Variants in PHF24 observed in about 807,000 individuals in gnomAD.
The protein encoded by PHF24 is Galpha inhibitory interacting protein.
In PHF24, 25 loss-of-function variants were observed where a neutral mutation model predicts 42.6. That is an observed-to-expected ratio of 0.59 (90% CI 0.43 to 0.82). PHF24 has a LOEUF of 0.82. PHF24 is among the 40% of genes least tolerant of loss of function. The pLI is 0.00. For missense variants in PHF24, 470 were observed against 538.1 expected, an observed-to-expected ratio of 0.87 and a Z score of 1.25; for synonymous variants, 185 against 204.8, an observed-to-expected ratio of 0.90 and a Z score of 0.83.
chr9:34,795,560 T>C, the PHF24 span, among the ~76,000 whole-genome samples: 1 of 152,312 alleles, frequency 6.6e-6, no homozygotes, highest in South Asian at 2.1e-4. Flanking sequence ...ATATTATAGA[T>C]TTTTGCCCTA....
chr9:34,770,073 G>A, the PHF24 span, among the ~76,000 whole-genome samples: 1 of 152,056 alleles, frequency 6.6e-6, no homozygotes, highest in South Asian at 2.1e-4. Flanking sequence ...CTACTACATA[G>A]AATAAATATA....
At chr9:34,861,881 T>G in the PHF24 span, among the ~76,000 whole-genome samples, 1 of 152,220 alleles carries the variant, frequency 6.6e-6, no homozygotes, top group Admixed American at 6.5e-5. Flanking sequence ...TCATCAATAC[T>G]AGAACAAATC....
the PHF24 span, among the ~76,000 whole-genome samples, chr9:34,720,213 G>A: frequency 1.3e-5 from 2 of 152,120 alleles, no homozygotes; most frequent in Admixed American, 1.3e-4. Flanking sequence ...GGGAGGCCGA[G>A]GCGGGTGGAT....
At chr9:34,889,377 G>A in the PHF24 span, 81,666 of 398,410 alleles carry the variant, frequency 0.2, 8,655 homozygotes, top group South Asian at 0.29. Flanking sequence ...GGCACTGGGG[G>A]CATCACAGAA....
At chr9:34,798,397 C>G in the PHF24 span, among the ~76,000 whole-genome samples, 5 of 152,130 alleles carry the variant, frequency 3.3e-5, no homozygotes, top group Non-Finnish European at 7.4e-5. Context: ...TCCTTAGTAT[C>G]TATTGTTCCC....
chr9:34,781,610 C>T, the PHF24 span, among the ~76,000 whole-genome samples: 3 of 152,034 alleles, frequency 2.0e-5, no homozygotes, highest in Non-Finnish European at 2.9e-5. Context: ...TTTATGTTAT[C>T]TATCATCACC....
the PHF24 span, among the ~76,000 whole-genome samples, chr9:34,876,216 C>T: frequency 2.6e-5 from 4 of 151,998 alleles, no homozygotes; most frequent in African/African-American, 9.7e-5. Context: ...TTTATCGCAG[C>T]TTTATTCATG....
chr9:34,700,190 G>A, the PHF24 span, among the ~76,000 whole-genome samples: 1 of 152,340 alleles, frequency 6.6e-6, no homozygotes, highest in East Asian at 1.9e-4. Flanking sequence ...ACAGGGTTTT[G>A]TAGGCCACTG....
the PHF24 span, among the ~76,000 whole-genome samples, chr9:34,848,907 G>A: frequency 2.0e-5 from 3 of 152,050 alleles, no homozygotes; most frequent in Non-Finnish European, 4.4e-5. Flanking sequence ...GTAGTTGAGC[G>A]GTTTTGAGTG....
the PHF24 span, among the ~76,000 whole-genome samples, chr9:34,703,837 A>G: frequency 1.3e-5 from 2 of 151,964 alleles, no homozygotes; most frequent in Non-Finnish European, 2.9e-5. Context: ...AAGAGCTGAG[A>G]TTACAGGTGT....
chr9:34,865,757 C>A, the PHF24 span, among the ~76,000 whole-genome samples: 7 of 152,280 alleles, frequency 4.6e-5, 1 homozygote, highest in South Asian at 1.5e-3. Context: ...GAGGTTTCAA[C>A]TGGGGAAGGT....
chr9:34,972,435 T>C (rs1320895049), exon 3 of PHF24: 3 of 1,614,050 alleles, frequency 1.9e-6, no homozygotes, highest in East Asian at 2.2e-5. Context: ...TTTTCCATGA[T>C]GGCTGCCTGC....
At chr9:34,865,887 G>T in the PHF24 span, among the ~76,000 whole-genome samples, 7 of 152,250 alleles carry the variant, frequency 4.6e-5, no homozygotes, top group African/African-American at 2.4e-5. Context: ...TCCTGGCCAT[G>T]TGGGGCCTCT....
rs189832320 is a variant in PHF24, at chr9:34,963,417, G to C, written c.-5+5016G>C. ...TTGCAGCTGGTCACCTTCTGTGTTA[G>C]GCATATGGCTTTTCCTAAGGCTCTC... On this transcript the variant is annotated intron_variant, in intron 1 of 7. Coordinates refer to ENST00000242315, the Ensembl canonical transcript of PHF24. Among the ~76,000 whole-genome samples the C allele has an allele frequency of 2.7e-3, 413 of 152,224 alleles. 1 individual carries two copies. The highest frequency in any genetic ancestry group is 3.4e-3 in the Middle Eastern group (1 of 294).
the PHF24 span, among the ~76,000 whole-genome samples, chr9:34,694,165 T>TG: frequency 7.6e-6 from 1 of 132,352 alleles, no homozygotes; most frequent in East Asian, 2.1e-4. Flanking sequence ...TATTCTTTTT[T>TG]TTTTTTTTTT....
chr9:34,957,299 T>A (rs951556496), upstream of PHF24, among the ~76,000 whole-genome samples: 4 of 152,188 alleles, frequency 2.6e-5, no homozygotes, highest in African/African-American at 9.7e-5. Flanking sequence ...GTAAATAAAT[T>A]GAATGCACAA....
the PHF24 span, among the ~76,000 whole-genome samples, chr9:34,673,291 T>C: frequency 6.7e-6 from 1 of 148,710 alleles, no homozygotes; most frequent in East Asian, 2.0e-4. Flanking sequence ...GAGCGGGAGG[T>C]TGCAGTGAGC....
the PHF24 span, among the ~76,000 whole-genome samples, chr9:34,903,078 C>T: frequency 1.3e-5 from 2 of 152,122 alleles, no homozygotes; most frequent in Non-Finnish European, 2.9e-5. Flanking sequence ...TGTTATCCCA[C>T]GTTATACAAG....
At chr9:34,778,407 G>T in the PHF24 span, among the ~76,000 whole-genome samples, 1 of 152,124 alleles carries the variant, frequency 6.6e-6, no homozygotes, top group Non-Finnish European at 1.5e-5. Flanking sequence ...GTACAAATAG[G>T]TTGAAATAAA....
Sources: gnomAD v4.1 joint callset for allele counts (sites outside exome capture counted in the v4.1 genomes callset) on GRCh38, gnomAD v4.1.1 for gene constraint, MANE v1.5 for transcripts, NCBI Gene and HGNC (gene_info 2026-07-23, HGNC 2026-07-21) for gene names.